Variants in PTPRM observed in about 807,000 individuals in gnomAD.
The protein encoded by PTPRM is protein tyrosine phosphatase receptor type M.
In PTPRM, 47 loss-of-function variants were observed where a neutral mutation model predicts 186.7. That is an observed-to-expected ratio of 0.25 (90% CI 0.20 to 0.32). PTPRM has a LOEUF of 0.32. PTPRM is among the 10% of genes least tolerant of loss of function. The probability of loss-of-function intolerance (pLI) is 1.00; values close to 1 mark genes in which losing one functional copy is unlikely to be tolerated. For synonymous variants in PTPRM, 668 were observed against 674.9 expected, an observed-to-expected ratio of 0.99 and a Z score of 0.16; for missense variants, 1,494 against 1,865.0, an observed-to-expected ratio of 0.80 and a Z score of 3.66.
intron 22 of PTPRM, among the ~76,000 whole-genome samples, chr18:8,321,338 C>CGA (rs1568742476): frequency 6.6e-6 from 1 of 152,104 alleles, no homozygotes; most frequent in African/African-American, 2.4e-5. Context: ...GGTGACTAAA[C>CGA]GAACAGCTAA....
At chr18:7,833,391 A>T (rs1328834070) in intron 2 of PTPRM, among the ~76,000 whole-genome samples, 1 of 152,102 alleles carries the variant, frequency 6.6e-6, no homozygotes, top group Non-Finnish European at 1.5e-5. Flanking sequence ...AAATGGGGTT[A>T]CTTTTTTATT....
chr18:8,131,297 T>G (rs2092499312), intron 13 of PTPRM, among the ~76,000 whole-genome samples: 1 of 152,208 alleles, frequency 6.6e-6, no homozygotes, highest in Non-Finnish European at 1.5e-5. Context: ...GTGATGAGTC[T>G]CCCACTGATG....
intron 1 of PTPRM, among the ~76,000 whole-genome samples, chr18:7,577,310 T>C (rs1218041335): frequency 6.6e-6 from 1 of 152,242 alleles, no homozygotes; most frequent in Non-Finnish European, 1.5e-5. Flanking sequence ...GTTATTGCTA[T>C]AAAGTAGCAT....
chr18:7,602,416 T>C (rs900313450), intron 1 of PTPRM, among the ~76,000 whole-genome samples: 3 of 151,644 alleles, frequency 2.0e-5, no homozygotes, highest in Non-Finnish European at 4.4e-5. Context: ...TCTGGGAAGT[T>C]TGATTGTGGC....
intron 7 of PTPRM, among the ~76,000 whole-genome samples, chr18:8,069,474 C>T (rs949546719): frequency 8.5e-5 from 13 of 152,220 alleles, no homozygotes; most frequent in Non-Finnish European, 1.6e-4. Context: ...AGAACTTAGG[C>T]ACATGGCCAC....
At chr18:8,061,438 G>T (rs551263081) in intron 7 of PTPRM, among the ~76,000 whole-genome samples, 2 of 131,428 alleles carry the variant, frequency 1.5e-5, no homozygotes, top group East Asian at 2.0e-4. Context: ...CTTTTAATTG[G>T]AGAATTTAGT....
chr18:7,896,405 A>G (rs1401608371), intron 3 of PTPRM, among the ~76,000 whole-genome samples: 1 of 152,096 alleles, frequency 6.6e-6, no homozygotes, highest in Non-Finnish European at 1.5e-5. Context: ...CTCAGCTCCT[A>G]CCCAGAATTT....
intron 1 of PTPRM, among the ~76,000 whole-genome samples, chr18:7,740,408 A>G (rs924288845): frequency 1.3e-5 from 2 of 152,156 alleles, no homozygotes; most frequent in African/African-American, 2.4e-5. Flanking sequence ...AGCAGTTACA[A>G]GTGGATTTAT....
At chr18:8,264,774 CAAAAAA>C (rs577367071) in intron 19 of PTPRM, among the ~76,000 whole-genome samples, 2 of 100,072 alleles carry the variant, frequency 2.0e-5, no homozygotes, top group Non-Finnish European at 2.1e-5. Context: ...GACTCCATCT[CAAAAAA>C]AAAAAAAAAA....
At chr18:7,993,219 A>C (rs1285363997) in intron 7 of PTPRM, among the ~76,000 whole-genome samples, 1 of 152,054 alleles carries the variant, frequency 6.6e-6, no homozygotes, top group Non-Finnish European at 1.5e-5. Context: ...GAAAGCCTAA[A>C]TGGCATATTG....
chr18:8,127,606 C>A (rs536248148), intron 13 of PTPRM, among the ~76,000 whole-genome samples: 26 of 152,176 alleles, frequency 1.7e-4, no homozygotes, highest in African/African-American at 6.3e-4. Flanking sequence ...CTACACAGAC[C>A]CCCTCCAGTT....
chr18:7,997,490 A>G (rs2083607546), intron 7 of PTPRM, among the ~76,000 whole-genome samples: 1 of 152,130 alleles, frequency 6.6e-6, no homozygotes, highest in Non-Finnish European at 1.5e-5. Flanking sequence ...ATTTTTTGTT[A>G]AAATATTGAA....
intron 19 of PTPRM, among the ~76,000 whole-genome samples, chr18:8,254,819 C>G (rs2147413775): frequency 1.3e-5 from 2 of 152,342 alleles, no homozygotes; most frequent in South Asian, 4.1e-4. Flanking sequence ...TGCTACACTT[C>G]TTTTAGGAAT....
chr18:7,789,278 T>C (rs1655058497), intron 2 of PTPRM, among the ~76,000 whole-genome samples: 1 of 152,112 alleles, frequency 6.6e-6, no homozygotes, highest in Admixed American at 6.5e-5. Flanking sequence ...CAAGCCGTGA[T>C]TGTGCCACTG....
intron 14 of PTPRM, among the ~76,000 whole-genome samples, chr18:8,214,120 A>G (rs1211048803): frequency 6.6e-6 from 1 of 152,056 alleles, no homozygotes; most frequent in East Asian, 1.9e-4. Flanking sequence ...GGGGGCAGGT[A>G]GGGGAGTGAG....
intron 22 of PTPRM, among the ~76,000 whole-genome samples, chr18:8,340,503 C>T (rs112647258): frequency 4.6e-5 from 7 of 152,208 alleles, no homozygotes; most frequent in East Asian, 1.9e-4. Flanking sequence ...AAAGACAATG[C>T]GAATTTCATT....
intron 1 of PTPRM, among the ~76,000 whole-genome samples, chr18:7,639,393 T>C (rs2038393355): frequency 6.8e-6 from 1 of 146,238 alleles, no homozygotes; most frequent in Admixed American, 6.8e-5. Context: ...TCTATATGCT[T>C]TTTTTTTTTT....
At chr18:8,352,087 C>G (rs2095537451) in intron 23 of PTPRM, among the ~76,000 whole-genome samples, 1 of 152,224 alleles carries the variant, frequency 6.6e-6, no homozygotes, top group Admixed American at 6.5e-5. Context: ...GTATCTATGA[C>G]ACTAATAATC....
intron 20 of PTPRM, among the ~76,000 whole-genome samples, chr18:8,312,427 T>C (rs757563689): frequency 5.9e-5 from 9 of 152,120 alleles, no homozygotes. Context: ...GGTGAGTCTG[T>C]TCCTGGGGTT....
Sources: gnomAD v4.1 joint callset for allele counts (sites outside exome capture counted in the v4.1 genomes callset) on GRCh38, gnomAD v4.1.1 for gene constraint, MANE v1.5 for transcripts, NCBI Gene and HGNC (gene_info 2026-07-23, HGNC 2026-07-21) for gene names.